NRG1: variants seen among roughly 807,000 people sequenced by gnomAD.
The protein encoded by NRG1 is neuregulin 1.
NRG1 carries 18 observed loss-of-function variants against 63.8 expected under a neutral mutation model. That is an observed-to-expected ratio of 0.28 (90% CI 0.19 to 0.42). NRG1 has a LOEUF of 0.42. Among genes scored for constraint, NRG1 ranks in the 10% least tolerant of loss-of-function variants. The probability of loss-of-function intolerance (pLI) is 1.00; values close to 1 mark genes in which losing one functional copy is unlikely to be tolerated. For missense variants in NRG1, 762 were observed against 814.7 expected (o/e 0.94, Z 0.79); for synonymous variants, 302 against 301.3 (o/e 1.00, Z -0.02).
intron 11 of NRG1, chr8:32,760,889 A>G (rs2129058820): frequency 1.0e-6 from 1 of 995,536 alleles, no homozygotes; most frequent in East Asian, 1.0e-4. Context: ...GGGCTATGTC[A>G]TTGCTGAATG....
intron 1 of NRG1, among the ~76,000 whole-genome samples, chr8:31,743,336 T>G (rs1815493238): frequency 6.6e-6 from 1 of 152,010 alleles, no homozygotes; most frequent in Non-Finnish European, 1.5e-5. Flanking sequence ...GCCCCATGCC[T>G]ATTGTATGAC....
intron 7 of NRG1, among the ~76,000 whole-genome samples, chr8:32,744,161 C>A (rs1827014335): frequency 6.6e-6 from 1 of 152,112 alleles, no homozygotes. Context: ...TGTTCTGATG[C>A]ATGCAGAGAA....
intron 1 of NRG1, among the ~76,000 whole-genome samples, chr8:31,772,468 C>A (rs76709157): frequency 6.6e-6 from 1 of 152,142 alleles, no homozygotes; most frequent in South Asian, 2.1e-4. Flanking sequence ...TATTTTCCTT[C>A]GGATTTTCTC....
chr8:32,458,318 C>A (rs903645105), intron 1 of NRG1, among the ~76,000 whole-genome samples: 1 of 152,072 alleles, frequency 6.6e-6, no homozygotes, highest in African/African-American at 2.4e-5. Flanking sequence ...TAAATATAGA[C>A]AATAAGAATA....
At chr8:32,206,986 T>C (rs1176963125) in intron 1 of NRG1, among the ~76,000 whole-genome samples, 1 of 152,208 alleles carries the variant, frequency 6.6e-6, no homozygotes, top group Non-Finnish European at 1.5e-5. Context: ...ATCCAGAACT[T>C]CACCATAATC....
At chr8:32,582,827 A>G (rs1840901201) in intron 1 of NRG1, among the ~76,000 whole-genome samples, 1 of 152,194 alleles carries the variant, frequency 6.6e-6, no homozygotes, top group South Asian at 2.1e-4. Context: ...AAGACTATGT[A>G]TTTCATGCTT....
chr8:32,208,374 C>T (rs887940419), intron 1 of NRG1, among the ~76,000 whole-genome samples: 5 of 151,538 alleles, frequency 3.3e-5, no homozygotes, highest in African/African-American at 1.2e-4. Flanking sequence ...TCCTCTGCCT[C>T]AGCCTCCCGA....
chr8:32,506,565 C>T (rs1262468952), intron 1 of NRG1, among the ~76,000 whole-genome samples: 1 of 152,170 alleles, frequency 6.6e-6, no homozygotes, highest in Non-Finnish European at 1.5e-5. Context: ...CACAAAAGTC[C>T]TCAAGCCAAA....
intron 1 of NRG1, among the ~76,000 whole-genome samples, chr8:32,173,529 A>T (rs1448875577): frequency 6.6e-6 from 1 of 152,198 alleles, no homozygotes; most frequent in Non-Finnish European, 1.5e-5. Context: ...TGCTCCAATT[A>T]AAAGACACAG....
At chr8:32,587,669 G>T (rs1563714205) in intron 1 of NRG1, among the ~76,000 whole-genome samples, 1 of 152,100 alleles carries the variant, frequency 6.6e-6, no homozygotes. Flanking sequence ...CATCCTTTCA[G>T]CAGACACTTG....
chr8:32,761,925 G>T (rs1011427267), intron 11 of NRG1, among the ~76,000 whole-genome samples: 5 of 150,692 alleles, frequency 3.3e-5, no homozygotes, highest in Non-Finnish European at 7.4e-5. Context: ...TGTAGTCCCA[G>T]CTACTAGGGA....
At chr8:32,764,226 G>A in exon 12 of NRG1, 1 of 1,614,094 alleles carries the variant, frequency 6.2e-7, no homozygotes. Context: ...TGAAAGAGTA[G>A]GTGAAGATAC....
chr8:31,700,894 G>A (rs1356922911), intron 1 of NRG1, among the ~76,000 whole-genome samples: 3 of 152,112 alleles, frequency 2.0e-5, no homozygotes, highest in Non-Finnish European at 4.4e-5. Context: ...AAGAGTAGAT[G>A]GGTTATTGTG....
intron 5 of NRG1, among the ~76,000 whole-genome samples, chr8:32,658,621 CAG>C (rs10581516): frequency 0.45 from 68,636 of 151,670 alleles, 16,266 homozygotes; most frequent in East Asian, 0.84. Flanking sequence ...TATTTTATCA[CAG>C]AGAGACAAGC....
In NRG1 at chr8:32,433,036, G is replaced by A. The variant is rs1331560365; in HGVS notation, c.38-162792G>A. ...TGTTTATCTGAGTGAGTGCCAAGAG[G>A]TGAGGTCAGGGCAGGGGCTCTTGCA... On this transcript the variant is annotated intron_variant, in intron 1 of 10. Coordinates refer to the NRG1 transcript ENST00000519301. Among the ~76,000 whole-genome samples the A allele has an allele frequency of 3.9e-5, 6 of 152,158 alleles. No homozygotes were observed. In the East Asian group the frequency reaches 5.8e-4, roughly 15 times the overall value.
chr8:32,092,461 C>CAAAAAAAA (rs71208167), intron 1 of NRG1, among the ~76,000 whole-genome samples: 21 of 83,256 alleles, frequency 2.5e-4, no homozygotes, highest in South Asian at 9.3e-4. Context: ...GACCCTGTCT[C>CAAAAAAAA]AAAAAAAAAA....
At chr8:32,179,917 A>T (rs759230990) in intron 1 of NRG1, among the ~76,000 whole-genome samples, 1 of 152,130 alleles carries the variant, frequency 6.6e-6, no homozygotes, top group Admixed American at 6.5e-5. Context: ...CTAAACACGA[A>T]GGTTTGAAGT....
chr8:31,901,690 T>C (rs779229110), intron 1 of NRG1, among the ~76,000 whole-genome samples: 14 of 152,238 alleles, frequency 9.2e-5, no homozygotes, highest in Admixed American at 1.3e-4. Flanking sequence ...GAAGCCTGTC[T>C]GGTAAACAAT....
Position 32,231,803 on chromosome 8 carries a change from G to A in NRG1, c.38-364025G>A, listed in dbSNP as rs1846977846. Among the ~76,000 whole-genome samples, 5 of 151,380 alleles carry A rather than the reference G, an allele frequency of 3.3e-5. No individual in the cohort carries two copies. The South Asian group carries it at 1.0e-3, about 32-fold the overall frequency. The stretch of plus-strand genomic sequence containing the variant: ...TGCAGTCTCAGCAACTCGGGAGGCT[G>A]AGACAGAATTGAATTCGAGAGGCGG... On this transcript the variant is annotated intron_variant, in intron 1 of 10. Coordinates refer to the NRG1 transcript ENST00000519301.
Sources: allele counts gnomAD v4.1 joint callset (sites outside exome capture counted in the v4.1 genomes callset), GRCh38; gene constraint gnomAD v4.1.1; transcripts MANE v1.5; gene names NCBI Gene and HGNC (gene_info 2026-07-23, HGNC 2026-07-21).